TNFRSF13B: variants seen among roughly 807,000 people sequenced by gnomAD.
TNFRSF13B encodes tumor necrosis factor receptor superfamily member 13B.
A neutral mutation model predicts 24.0 loss-of-function variants in TNFRSF13B; 34 were observed. The ratio of observed to expected loss-of-function variants is 1.41; its 90% CI spans 1.08 to 1.88. The LOEUF is 1.88. Ranked by LOEUF, TNFRSF13B falls within the 40% of genes most tolerant of loss-of-function variation. The pLI is 0.00. For synonymous variants in TNFRSF13B, 173 were observed against 150.3 expected (o/e 1.15, Z -1.10); for missense variants, 415 against 380.8 (o/e 1.09, Z -0.75).
At position 16,939,296 on chromosome 17, in the gene TNFRSF13B, CCT is replaced by C. The variant is rs1418910544; in HGVS notation, c.*249_*250del. The C allele has an allele frequency of 2.1e-6, 1 of 480,496 alleles. No homozygotes were observed. Among genetic ancestry groups the C allele is most frequent in the Non-Finnish European group, 3.7e-6 (1 of 273,256 alleles). 29.8% of individuals were successfully genotyped at this position (480,496 alleles called of 1,614,324 possible). A position where few individuals can be genotyped will look rare whatever the true frequency, so the allele number is the denominator to read the frequency against. ...GTCTCTCTGCCTCTCTCCCTCTCTG[CCT>C]CTCTCCCTCTCTGCCTCTCTCCTTC... On this transcript the variant is annotated 3_prime_UTR_variant, in exon 5 of 5. Coordinates refer to ENST00000261652, the MANE Select transcript of TNFRSF13B (RefSeq NM_012452.3).
At chr17:16,969,979 G>A (rs2087732704) in intron 1 of TNFRSF13B, among the ~76,000 whole-genome samples, 1 of 152,162 alleles carries the variant, frequency 6.6e-6, no homozygotes, top group Admixed American at 6.5e-5. Context: ...TATGTGACAA[G>A]GGCAGCCTTG....
At chr17:16,966,334 C>G (rs139520425) in intron 1 of TNFRSF13B, among the ~76,000 whole-genome samples, 11 of 151,492 alleles carry the variant, frequency 7.3e-5, no homozygotes, top group African/African-American at 2.4e-4. Context: ...AACAAACACC[C>G]AATTCCAAAG....
rs1424240372 is a variant in TNFRSF13B, at chr17:16,939,597, C to T, written c.832G>A (p.Gly278Ser). The change falls in exon 5 of 5, where the codon GGC becomes AGC. Residue 278 changes from glycine to serine, a missense_variant. Gly to Ser is a moderately conservative substitution (Grantham distance 56). Transcript: ENST00000261652. ...GCAGGCACACACACAATGCCAAGGCCACTGTCTGGGATGTGTGGGCAAGGC... is the reference window on the plus strand; with the variant it reads ...GCAGGCACACACACAATGCCAAGGCTACTGTCTGGGATGTGTGGGCAAGGC... ...LQPCPHIPDSGLGIVCVPAQE... is the reference protein window; with the variant it reads ...LQPCPHIPDSSLGIVCVPAQE... 2 of 1,613,624 alleles carry T rather than the reference C, an allele frequency of 1.2e-6. No individual in the cohort carries two copies. The highest frequency in any genetic ancestry group is 2.2e-5 in the South Asian group (2 of 90,938).
intron 1 of TNFRSF13B, among the ~76,000 whole-genome samples, chr17:16,964,621 G>C (rs573740917): frequency 6.6e-6 from 1 of 152,158 alleles, no homozygotes; most frequent in Non-Finnish European, 1.5e-5. Context: ...GATTACAGGC[G>C]TGAGCCACCA....
intron 1 of TNFRSF13B, among the ~76,000 whole-genome samples, chr17:16,969,775 C>T (rs1171767027): frequency 6.6e-6 from 1 of 152,128 alleles, no homozygotes; most frequent in Non-Finnish European, 1.5e-5. Context: ...ATATATCTTT[C>T]AATACTTTCT....
intron 1 of TNFRSF13B, among the ~76,000 whole-genome samples, chr17:16,962,137 C>T (rs778783491): frequency 5.9e-5 from 9 of 152,094 alleles, no homozygotes; most frequent in African/African-American, 1.2e-4. Context: ...TGGATTTGTC[C>T]CAGAGCTGGA....
chr17:16,945,387 G>A (rs929386970), intron 3 of TNFRSF13B, among the ~76,000 whole-genome samples: 1 of 152,182 alleles, frequency 6.6e-6, no homozygotes, highest in Non-Finnish European at 1.5e-5. Context: ...GCCTGCAGAC[G>A]CCACTCTGGG....
chr17:16,964,416 C>T (rs2087685402), intron 1 of TNFRSF13B, among the ~76,000 whole-genome samples: 1 of 140,210 alleles, frequency 7.1e-6, no homozygotes. Context: ...GATCTCGGCT[C>T]ACTGCAACCT....
chr17:16,943,011 T>C (rs2087522783), intron 3 of TNFRSF13B, among the ~76,000 whole-genome samples: 1 of 151,488 alleles, frequency 6.6e-6, no homozygotes. Flanking sequence ...AACTGGAGAG[T>C]CCCAGTGGAG....
rs1286642936 is a variant in TNFRSF13B, at chr17:16,940,405, G to T, written c.552C>A (p.Cys184Ter). Residue 184 changes from cysteine (C) to a stop codon, truncating the protein, a stop_gained, in exon 4 of 5, where the codon TGC (cysteine) becomes TGA (stop). Transcript: ENST00000261652. LOFTEE classifies it high-confidence loss of function. Reference protein sequence around the residue: ...VLCCFLVAVACFLKKRGDPCS... With the variant: ...VLCCFLVAVA ...AGGGATCCCCCCTCTTCTTGAGGAAGCAGGCCACCGCCACCAGGAAGCAGC... is the reference window on the plus strand; with the variant it reads ...AGGGATCCCCCCTCTTCTTGAGGAATCAGGCCACCGCCACCAGGAAGCAGC... The T allele has an allele frequency of 3.1e-6, 5 of 1,614,112 alleles. No homozygotes were observed. The highest frequency in any genetic ancestry group is 1.7e-5 in the Admixed American group (1 of 60,024).
chr17:16,940,886 G>A (rs1439990099), intron 3 of TNFRSF13B: 2 of 1,143,746 alleles, frequency 1.7e-6, no homozygotes, highest in Admixed American at 4.1e-5. Flanking sequence ...TTCCTCCAAG[G>A]AGAAAGCTTC....
intron 1 of TNFRSF13B, among the ~76,000 whole-genome samples, chr17:16,955,817 G>A (rs1254944205): frequency 2.0e-5 from 3 of 152,254 alleles, no homozygotes; most frequent in Non-Finnish European, 2.9e-5. Flanking sequence ...GAGTTGTCCA[G>A]GGGAGAGCTT....
At chr17:16,948,675 A>C in intron 3 of TNFRSF13B, 63 bp downstream of exon 3, 8 of 1,609,622 alleles carry the variant, frequency 5.0e-6, no homozygotes, top group Non-Finnish European at 6.8e-6. Flanking sequence ...TAGGCCTGGC[A>C]TCAGGCCTCC....
At chr17:16,954,176 C>A (rs2087609569) in intron 1 of TNFRSF13B, among the ~76,000 whole-genome samples, 1 of 152,168 alleles carries the variant, frequency 6.6e-6, no homozygotes, top group African/African-American at 2.4e-5. Context: ...GGGAGGATTT[C>A]TTGAGGCCAG....
At chr17:16,966,619 G>C (rs761898123) in intron 1 of TNFRSF13B, among the ~76,000 whole-genome samples, 57 of 152,168 alleles carry the variant, frequency 3.7e-4, no homozygotes, top group Non-Finnish European at 6.9e-4. Flanking sequence ...CTTATTCATT[G>C]TGGAAGGAGA....
intron 3 of TNFRSF13B, among the ~76,000 whole-genome samples, chr17:16,945,560 G>C (rs2087541998): frequency 6.6e-6 from 1 of 152,226 alleles, no homozygotes; most frequent in Non-Finnish European, 1.5e-5. Context: ...GGGGGAATCT[G>C]TTGCATCAGA....
At chr17:16,965,387 G>A (rs1233073296) in intron 1 of TNFRSF13B, among the ~76,000 whole-genome samples, 3 of 152,320 alleles carry the variant, frequency 2.0e-5, no homozygotes, top group East Asian at 3.9e-4. Context: ...TGTTGGTAAT[G>A]TGACATTTCA....
intron 1 of TNFRSF13B, 58 bp downstream of exon 1, chr17:16,971,957 G>C: frequency 6.3e-7 from 1 of 1,591,726 alleles, no homozygotes. Flanking sequence ...ACGGCACTCA[G>C]GCCCAACCCT....
At chr17:16,943,155 C>T (rs763721944) in intron 3 of TNFRSF13B, among the ~76,000 whole-genome samples, 2 of 152,214 alleles carry the variant, frequency 1.3e-5, no homozygotes, top group Non-Finnish European at 2.9e-5. Context: ...GAAGACCCGC[C>T]TAGCTGAACC....
Sources: allele counts gnomAD v4.1 joint callset (sites outside exome capture counted in the v4.1 genomes callset), GRCh38; gene constraint gnomAD v4.1.1; transcripts MANE v1.5; gene names NCBI Gene and HGNC (gene_info 2026-07-23, HGNC 2026-07-21).